Variants in TRIO observed in about 807,000 individuals in gnomAD.
TRIO encodes triple functional domain protein.
A neutral mutation model predicts 351.9 loss-of-function variants in TRIO; 58 were observed. The observed-to-expected ratio is 0.16, with a 90% CI of 0.13 to 0.21. TRIO has a LOEUF of 0.21. Ranked by LOEUF, TRIO falls within the 10% of genes least tolerant of loss-of-function variation. The probability of loss-of-function intolerance (pLI) is 1.00; values close to 1 mark genes in which losing one functional copy is unlikely to be tolerated. For missense variants in TRIO, 3,201 were observed against 4,027.8 expected, an observed-to-expected ratio of 0.79 and a Z score of 5.56; for synonymous variants, 1,758 against 1,595.7, an observed-to-expected ratio of 1.10 and a Z score of -2.42.
rs926696923 is a variant in TRIO, at chr5:14,483,876, C to A, written c.6657+1103C>A. 1.6e-4 allele frequency among the ~76,000 whole-genome samples: 25 copies of A among 152,248 alleles called. No homozygotes were observed. The South Asian group carries it at 5.2e-3, about 32-fold the overall frequency. On this transcript the variant is annotated intron_variant, in intron 46 of 56. Transcript: ENST00000344204. ...CCCATCCCCTGAACTGTGCGCCCAT[C>A]CCCTGGACGGCAGCCATCATCTGAA...
intron 7 of TRIO, among the ~76,000 whole-genome samples, chr5:14,303,471 T>C (rs166001): frequency 2.2e-4 from 30 of 135,202 alleles, no homozygotes; most frequent in East Asian, 4.5e-4. Context: ...GCCGCAGGAC[T>C]GTTGATGATC....
At chr5:14,347,939 G>A (rs373013309) in intron 11 of TRIO, among the ~76,000 whole-genome samples, 25 of 152,350 alleles carry the variant, frequency 1.6e-4, no homozygotes, top group African/African-American at 5.5e-4. Context: ...TTTTGAATCA[G>A]TACAGAGTAA....
chr5:14,287,742 T>C (rs1161237337), intron 4 of TRIO, among the ~76,000 whole-genome samples: 1 of 152,232 alleles, frequency 6.6e-6, no homozygotes, highest in Admixed American at 6.5e-5. Context: ...AGGAAAGTCT[T>C]CCTGCCAGCA....
intron 2 of TRIO, among the ~76,000 whole-genome samples, chr5:14,274,660 T>C (rs1327480476): frequency 6.6e-6 from 1 of 152,326 alleles, no homozygotes; most frequent in East Asian, 1.9e-4. Flanking sequence ...GATAAGTGAT[T>C]GGTTCCTGTC....
At chr5:14,295,268 T>C (rs1737250192) in intron 6 of TRIO, among the ~76,000 whole-genome samples, 1 of 152,244 alleles carries the variant, frequency 6.6e-6, no homozygotes. Context: ...ATTATGCATG[T>C]TCTACTCTAA....
At chr5:14,269,077 C>G (rs1262930080) in intron 1 of TRIO, among the ~76,000 whole-genome samples, 1 of 152,158 alleles carries the variant, frequency 6.6e-6, no homozygotes, top group Non-Finnish European at 1.5e-5. Context: ...AGGAAAATGG[C>G]CTGGTGCTGT....
At chr5:14,248,693 C>T (rs1339198153) in intron 1 of TRIO, among the ~76,000 whole-genome samples, 2 of 152,198 alleles carry the variant, frequency 1.3e-5, no homozygotes, top group Non-Finnish European at 2.9e-5. Flanking sequence ...AACTGCTACC[C>T]TGGGCTGTGC....
chr5:14,402,578 A>G lies in TRIO; in HGVS notation c.4716+1514A>G, dbSNP rs117148403. 6.0e-4 allele frequency among the ~76,000 whole-genome samples: 90 copies of G among 150,140 alleles called. No individual in the cohort carries two copies. The East Asian group carries it at 0.016, about 27-fold the overall frequency. Reference sequence around the variant, plus strand: ...CTGTGGTGGTGGTGATGGCGGTGAAAGTTTAGATGGCAGTGAGGGTGGAGA... The same window carrying G: ...CTGTGGTGGTGGTGATGGCGGTGAAGGTTTAGATGGCAGTGAGGGTGGAGA... On this transcript the variant is annotated intron_variant, in intron 31 of 56. Transcript: ENST00000344204.
intron 3 of TRIO, among the ~76,000 whole-genome samples, chr5:14,282,027 GT>G (rs1486070888): frequency 6.6e-6 from 1 of 152,202 alleles, no homozygotes; most frequent in Non-Finnish European, 1.5e-5. Flanking sequence ...TCAGCTTTTG[GT>G]CTTGATAGTT....
intron 9 of TRIO, among the ~76,000 whole-genome samples, chr5:14,320,137 A>G (rs550455203): frequency 9.7e-4 from 148 of 152,228 alleles, no homozygotes; most frequent in Admixed American, 2.8e-3. Context: ...ACATCTCTCC[A>G]TTGCCTTATG....
intron 1 of TRIO, among the ~76,000 whole-genome samples, chr5:14,252,455 G>T (rs774730933): frequency 6.6e-6 from 1 of 152,198 alleles, no homozygotes; most frequent in Non-Finnish European, 1.5e-5. Context: ...TGTCAGAGTG[G>T]CAGGAATGCC....
intron 1 of TRIO, among the ~76,000 whole-genome samples, chr5:14,148,559 C>T (rs2152113907): frequency 6.6e-6 from 1 of 152,300 alleles, no homozygotes; most frequent in Middle Eastern, 3.4e-3. Flanking sequence ...AACACCCTGC[C>T]CCCATTCCTC....
At chr5:14,454,322 T>TA (rs910442690) in intron 34 of TRIO, among the ~76,000 whole-genome samples, 3 of 152,182 alleles carry the variant, frequency 2.0e-5, no homozygotes, top group Non-Finnish European at 4.4e-5. Flanking sequence ...CACGTACACT[T>TA]AGTCTGGACT....
At chr5:14,421,227 A>ATTTATTTATTTATTTTATTTTATTTTAT (rs57377021) in intron 34 of TRIO, among the ~76,000 whole-genome samples, 1 of 118,084 alleles carries the variant, frequency 8.5e-6, no homozygotes, top group Non-Finnish European at 1.7e-5. Context: ...TTATTTATTT[A>ATTTATTTATTTATTTTATTTTATTTTAT]TTTATTTTAT....
At chr5:14,378,173 C>A in intron 20 of TRIO, 46 bp downstream of exon 20, 2 of 1,419,126 alleles carry the variant, frequency 1.4e-6, no homozygotes, top group Non-Finnish European at 2.0e-6. Context: ...CTCCCGTGCT[C>A]ACACCTGTCT....
At position 14,468,217 on chromosome 5, in the gene TRIO, A is replaced by C. The variant is rs562041168; in HGVS notation, c.5763+2577A>C. On this transcript the variant is annotated intron_variant, in intron 37 of 56. Coordinates refer to ENST00000344204, the MANE Select transcript of TRIO (RefSeq NM_007118.4). ...TAATCTCCTTTTTCAATTCTGAAGAATTAAACTTTCTCGGTTTACTCAGTG... is the reference window on the plus strand; with the variant it reads ...TAATCTCCTTTTTCAATTCTGAAGACTTAAACTTTCTCGGTTTACTCAGTG... Among the ~76,000 whole-genome samples the C allele has an allele frequency of 1.4e-4, 21 of 152,368 alleles. 1 individual carries two copies. The highest frequency in any genetic ancestry group is 4.6e-4 in the African/African-American group (19 of 41,596).
rs70964544 is a variant in TRIO, at chr5:14,207,389, T to TAC, written c.158-63395_158-63394dup. Among the ~76,000 whole-genome samples the TAC allele has an allele frequency of 8.0e-3, 94 of 11,708 alleles. 8 individuals carry two copies. The highest frequency in any genetic ancestry group is 0.012 in the African/African-American group (45 of 3,848). 7.7% of individuals were successfully genotyped at this position (11,708 alleles called of 152,430 possible). A position where few individuals can be genotyped will look rare whatever the true frequency, so the allele number is the denominator to read the frequency against. ...AGCCAGGTAGCATAGCAAGACTGTC[T>TAC]ACACACACACACACACACACACACA... On this transcript the variant is annotated intron_variant, in intron 1 of 56. Transcript: ENST00000344204.
Position 14,389,379 on chromosome 5 carries a change from A to G in TRIO, c.4039A>G (p.Ile1347Val), listed in dbSNP as rs1158543747. Residue 1347 changes from isoleucine (I) to valine (V), a missense_variant, in exon 25 of 57, where the codon ATC becomes GTC. This residue lies in a region of TRIO where 115 missense variants were observed against 239.6 expected (regional missense o/e 0.48). Coordinates refer to ENST00000344204, the MANE Select transcript of TRIO (RefSeq NM_007118.4). Reference sequence around the variant, plus strand: ...CATCATCTTCGGAAACATGCAAGAAATCTACGAATTTCATAATAAGTGAGT... The same window carrying G: ...CATCATCTTCGGAAACATGCAAGAAGTCTACGAATTTCATAATAAGTGAGT... ...ELIIFGNMQE[I>V]YEFHNNIFLK... is the part of the protein sequence containing the mutation. The G allele has an allele frequency of 1.2e-6, 2 of 1,610,632 alleles. No homozygotes were observed. Among genetic ancestry groups the G allele is most frequent in the South Asian group, 1.1e-5 (1 of 90,418 alleles).
At chr5:14,360,478 A>G (rs1012944208) in intron 13 of TRIO, among the ~76,000 whole-genome samples, 1 of 152,056 alleles carries the variant, frequency 6.6e-6, no homozygotes, top group Admixed American at 6.5e-5. Context: ...TCCTCCACAT[A>G]CCTCTGGGCT....
Sources: gnomAD v4.1 joint callset for allele counts (sites outside exome capture counted in the v4.1 genomes callset) on GRCh38, gnomAD v4.1.1 for gene constraint, gnomAD v4.1.1 regional missense constraint, MANE v1.5 for transcripts, NCBI Gene and HGNC (gene_info 2026-07-23, HGNC 2026-07-21) for gene names.